Variants in LINGO2 observed in about 807,000 individuals in gnomAD.
LINGO2 encodes leucine-rich repeat and immunoglobulin-like domain-containing nogo receptor-interacting protein 2.
A neutral mutation model predicts 30.6 loss-of-function variants in LINGO2; 14 were observed. That is an observed-to-expected ratio of 0.46 (90% CI 0.30 to 0.72). LINGO2 has a LOEUF of 0.72. Among genes scored for constraint, LINGO2 ranks in the 30% least tolerant of loss-of-function variants. LINGO2 has a pLI of 0.07. For missense variants in LINGO2, 729 were observed against 751.7 expected, an observed-to-expected ratio of 0.97 and a Z score of 0.35; for synonymous variants, 317 against 288.5, an observed-to-expected ratio of 1.10 and a Z score of -1.00.
chr9:28,771,452 G>GGGGTGT, the LINGO2 span, among the ~76,000 whole-genome samples: 1 of 120,290 alleles, frequency 8.3e-6, no homozygotes, highest in African/African-American at 3.0e-5. Context: ...TTTCCTATTT[G>GGGGTGT]GTGTGTGTGT....
At chr9:28,039,197 C>T (rs550992578) in intron 4 of LINGO2, among the ~76,000 whole-genome samples, 2 of 152,226 alleles carry the variant, frequency 1.3e-5, no homozygotes, top group South Asian at 4.1e-4. Flanking sequence ...ACAAACTGAA[C>T]ATACATAAAG....
At chr9:28,479,864 T>C (rs1825869136) in intron 1 of LINGO2, among the ~76,000 whole-genome samples, 1 of 72,070 alleles carries the variant, frequency 1.4e-5, no homozygotes, top group African/African-American at 4.2e-5. Context: ...TGTGTGTGTG[T>C]GTGTGTGTGT....
chr9:28,244,189 T>A (rs1821913990), intron 4 of LINGO2, among the ~76,000 whole-genome samples: 1 of 152,020 alleles, frequency 6.6e-6, no homozygotes. Flanking sequence ...AACCACACAA[T>A]TACATGGAAA....
At chr9:28,273,110 G>A (rs1564088000) in intron 4 of LINGO2, among the ~76,000 whole-genome samples, 1 of 151,966 alleles carries the variant, frequency 6.6e-6, no homozygotes, top group Non-Finnish European at 1.5e-5. Context: ...AATATCTGTG[G>A]GCTGATTTGT....
At chr9:29,103,730 T>C in the LINGO2 span, among the ~76,000 whole-genome samples, 31 of 152,160 alleles carry the variant, frequency 2.0e-4, no homozygotes, top group Non-Finnish European at 3.8e-4. Flanking sequence ...TCAATACCAA[T>C]ATCCAGAAAT....
chr9:29,002,672 G>A, the LINGO2 span, among the ~76,000 whole-genome samples: 482 of 152,004 alleles, frequency 3.2e-3, 1 homozygote, highest in African/African-American at 9.9e-3. Context: ...ATTTACCTGC[G>A]CTCTGTCACT....
intron 1 of LINGO2, among the ~76,000 whole-genome samples, chr9:28,651,234 C>T (rs1032796441): frequency 6.6e-6 from 1 of 151,920 alleles, no homozygotes; most frequent in South Asian, 2.1e-4. Flanking sequence ...CCTACTCTGA[C>T]ATGTTCTTAA....
At chr9:28,143,616 C>T (rs1827734044) in intron 4 of LINGO2, among the ~76,000 whole-genome samples, 1 of 151,826 alleles carries the variant, frequency 6.6e-6, no homozygotes, top group Admixed American at 6.6e-5. Flanking sequence ...TGGATAATGA[C>T]TAAGAAGATG....
At chr9:29,010,644 C>T in the LINGO2 span, among the ~76,000 whole-genome samples, 8 of 152,160 alleles carry the variant, frequency 5.3e-5, no homozygotes, top group African/African-American at 1.9e-4. Flanking sequence ...TGACAATTTG[C>T]GTACTTATTT....
chr9:28,762,586 T>G, the LINGO2 span, among the ~76,000 whole-genome samples: 1 of 152,030 alleles, frequency 6.6e-6, no homozygotes, highest in Non-Finnish European at 1.5e-5. Context: ...GCAACTTGAT[T>G]GAGGACAATG....
In LINGO2 at chr9:27,990,741, A is replaced by G. The variant is rs75310441; in HGVS notation, c.-36+21614T>C. ...GAATGAAAACCCAGGTCTGCCTGACACAAAGTCTATGTGGTTAACCACTCT... is the reference window on the plus strand; with the variant it reads ...GAATGAAAACCCAGGTCTGCCTGACGCAAAGTCTATGTGGTTAACCACTCT... On this transcript the variant is annotated intron_variant, in intron 5 of 5. Coordinates refer to ENST00000379992, the Ensembl canonical transcript of LINGO2. Among the ~76,000 whole-genome samples, 1,314 of 152,170 alleles carry G rather than the reference A, an allele frequency of 8.6e-3. 104 individuals carry two copies. The East Asian group carries it at 0.17, about 20-fold the overall frequency.
At chr9:28,167,623 G>T (rs566285130) in intron 4 of LINGO2, among the ~76,000 whole-genome samples, 1 of 152,206 alleles carries the variant, frequency 6.6e-6, no homozygotes. Flanking sequence ...CTGTGCTCAA[G>T]TAGTATGCCC....
At chr9:28,109,403 G>A (rs1016685825) in intron 4 of LINGO2, among the ~76,000 whole-genome samples, 1 of 152,150 alleles carries the variant, frequency 6.6e-6, no homozygotes, top group Non-Finnish European at 1.5e-5. Flanking sequence ...AGGACAATCA[G>A]GCAATAGAAT....
the LINGO2 span, among the ~76,000 whole-genome samples, chr9:29,157,331 A>G: frequency 2.0e-5 from 3 of 152,194 alleles, no homozygotes; most frequent in Non-Finnish European, 2.9e-5. Flanking sequence ...ACTGTTCTGT[A>G]TAGTCAACCT....
intron 1 of LINGO2, among the ~76,000 whole-genome samples, chr9:28,555,520 A>G (rs933667206): frequency 6.6e-6 from 1 of 151,960 alleles, no homozygotes; most frequent in Non-Finnish European, 1.5e-5. Flanking sequence ...TTACCAACCA[A>G]TAAGAGTCCA....
chr9:29,205,337 C>G, the LINGO2 span, among the ~76,000 whole-genome samples: 31,695 of 152,112 alleles, frequency 0.21, 3,488 homozygotes, highest in Middle Eastern at 0.27. Context: ...CCATGCTTGG[C>G]CAGTTTTTCT....
the LINGO2 span, among the ~76,000 whole-genome samples, chr9:29,173,043 G>A: frequency 2.0e-5 from 3 of 151,814 alleles, no homozygotes; most frequent in South Asian, 4.1e-4. Flanking sequence ...CACAATTTGG[G>A]GTCTGAAGAT....
At chr9:28,991,249 G>A in the LINGO2 span, among the ~76,000 whole-genome samples, 2 of 151,504 alleles carry the variant, frequency 1.3e-5, no homozygotes, top group African/African-American at 2.4e-5. Flanking sequence ...GCGATCAACT[G>A]GAAGAAAGGG....
chr9:28,559,345 A>G (rs1822917814), intron 1 of LINGO2, among the ~76,000 whole-genome samples: 1 of 152,170 alleles, frequency 6.6e-6, no homozygotes, highest in African/African-American at 2.4e-5. Context: ...GCTTGAGAAT[A>G]TATGTCCCAT....
Sources: allele counts gnomAD v4.1 joint callset (sites outside exome capture counted in the v4.1 genomes callset), GRCh38; gene constraint gnomAD v4.1.1; transcripts MANE v1.5; gene names NCBI Gene and HGNC (gene_info 2026-07-23, HGNC 2026-07-21).